The following RIMS2 variants were observed in gnomAD, a reference collection of about 807,000 sequenced individuals.
RIMS2 encodes the protein regulating synaptic membrane exocytosis protein 2.
In RIMS2, 59 loss-of-function variants were observed where a neutral mutation model predicts 174.4. The ratio of observed to expected loss-of-function variants is 0.34; its 90% CI spans 0.27 to 0.42. The LOEUF (loss-of-function observed/expected upper bound fraction) is 0.42, where lower values mean the gene tolerates loss of function less well. RIMS2 is among the 10% of genes least tolerant of loss of function. The pLI is 1.00. For missense variants in RIMS2, 1,620 were observed against 1,666.3 expected (o/e 0.97, Z 0.48); for synonymous variants, 606 against 572.5 (o/e 1.06, Z -0.84).
chr8:104,194,104 C>A (rs1334090400), intron 19 of RIMS2, among the ~76,000 whole-genome samples: 2 of 152,054 alleles, frequency 1.3e-5, no homozygotes, highest in Non-Finnish European at 2.9e-5. Flanking sequence ...GCTTAGAGTA[C>A]TTTCCCATGG....
rs2095852264 is a variant in RIMS2, at chr8:104,014,625, A to C, written c.3334+10A>C. 2.6e-6 allele frequency: 4 copies of C among 1,536,112 alleles called. No homozygotes were observed. The African/African-American group carries it at 5.5e-5, about 21-fold the overall frequency. ...GGAACGTTGGATAGAAGTAAGTTTT[A>C]TTTCTAATTGTCTCGTTTAGGAAAT... On this transcript the variant is annotated intron_variant, in intron 19 of 23. Transcript: ENST00000504942.
intron 19 of RIMS2, among the ~76,000 whole-genome samples, chr8:104,219,623 T>C (rs1424961717): frequency 6.6e-6 from 1 of 152,196 alleles, no homozygotes; most frequent in East Asian, 1.9e-4. Flanking sequence ...GATTTTTATG[T>C]TTAATAGTGC....
intron 19 of RIMS2, among the ~76,000 whole-genome samples, chr8:104,067,003 A>T (rs2097116215): frequency 6.6e-6 from 1 of 152,174 alleles, no homozygotes; most frequent in Non-Finnish European, 1.5e-5. Context: ...GAATAATACT[A>T]AAAAATTAAA....
chr8:103,583,073 T>C (rs1456691304), intron 1 of RIMS2, among the ~76,000 whole-genome samples: 1 of 152,150 alleles, frequency 6.6e-6, no homozygotes, highest in Non-Finnish European at 1.5e-5. Flanking sequence ...CCCTCAGCTT[T>C]AGGTGGCTCA....
At chr8:103,908,781 G>A (rs1007928598) in intron 4 of RIMS2, among the ~76,000 whole-genome samples, 5 of 151,988 alleles carry the variant, frequency 3.3e-5, no homozygotes, top group African/African-American at 1.2e-4. Context: ...AACTTTTGGT[G>A]TCATACAACC....
chr8:104,006,563 C>CAAT (rs1356983036), intron 17 of RIMS2, among the ~76,000 whole-genome samples: 12 of 150,936 alleles, frequency 8.0e-5, no homozygotes, highest in Non-Finnish European at 1.5e-4. Context: ...TAAAAATAAA[C>CAAT]AATAATAATA....
intron 19 of RIMS2, among the ~76,000 whole-genome samples, chr8:104,054,013 A>C (rs2096830428): frequency 6.6e-6 from 1 of 152,118 alleles, no homozygotes; most frequent in Non-Finnish European, 1.5e-5. Context: ...TAACATCCTC[A>C]ATGTAACAAG....
At chr8:103,757,024 A>T (rs987048834) in intron 2 of RIMS2, among the ~76,000 whole-genome samples, 6 of 151,220 alleles carry the variant, frequency 4.0e-5, no homozygotes, top group Middle Eastern at 3.2e-3. Flanking sequence ...AGAGAGAGAG[A>T]GAGAGAGAGA....
At chr8:103,832,888 T>C (rs144225618) in intron 3 of RIMS2, among the ~76,000 whole-genome samples, 4 of 152,376 alleles carry the variant, frequency 2.6e-5, no homozygotes, top group Admixed American at 6.5e-5. Context: ...AGCAGTCTTA[T>C]GTATTTTAAA....
At chr8:104,207,757 G>A (rs1301108661) in intron 19 of RIMS2, among the ~76,000 whole-genome samples, 2 of 151,726 alleles carry the variant, frequency 1.3e-5, no homozygotes, top group Admixed American at 6.6e-5. Flanking sequence ...AGATTGCAGT[G>A]AGCCAAGATC....
chr8:103,789,551 C>G (rs1432847660), intron 3 of RIMS2, among the ~76,000 whole-genome samples: 1 of 152,128 alleles, frequency 6.6e-6, no homozygotes, highest in Non-Finnish European at 1.5e-5. Context: ...ATCATATTCA[C>G]AGATCCTGCC....
At chr8:104,082,695 A>C (rs1173696491) in intron 19 of RIMS2, among the ~76,000 whole-genome samples, 3 of 151,858 alleles carry the variant, frequency 2.0e-5, no homozygotes, top group African/African-American at 7.2e-5. Flanking sequence ...TTATGTTTAT[A>C]TTTTTATATT....
intron 19 of RIMS2, among the ~76,000 whole-genome samples, chr8:104,159,946 C>A (rs910571584): frequency 4.6e-5 from 7 of 152,082 alleles, no homozygotes; most frequent in Non-Finnish European, 8.8e-5. Context: ...CAAGAGCAGT[C>A]TAGCCAACAT....
intron 19 of RIMS2, among the ~76,000 whole-genome samples, chr8:104,238,466 TAA>T (rs958396642): frequency 2.1e-5 from 3 of 140,710 alleles, no homozygotes; most frequent in African/African-American, 2.6e-5. Flanking sequence ...AAAGTAAAAT[TAA>T]AAAAAAAAAA....
intron 1 of RIMS2, among the ~76,000 whole-genome samples, chr8:103,565,499 T>G (rs1222110741): frequency 6.6e-6 from 1 of 152,056 alleles, no homozygotes; most frequent in Non-Finnish European, 1.5e-5. Context: ...GACACGTCGT[T>G]TTTGCCATTT....
intron 19 of RIMS2, among the ~76,000 whole-genome samples, chr8:104,061,871 A>G (rs1343364570): frequency 6.6e-6 from 1 of 152,026 alleles, no homozygotes; most frequent in Non-Finnish European, 1.5e-5. Flanking sequence ...AAACAATGGT[A>G]TGATTAATAT....
chr8:103,735,904 T>A (rs1045306891), intron 2 of RIMS2, among the ~76,000 whole-genome samples: 1 of 152,188 alleles, frequency 6.6e-6, no homozygotes, highest in Non-Finnish European at 1.5e-5. Flanking sequence ...AGATATTGAG[T>A]TTTAAATACC....
At chr8:103,554,103 A>T (rs1563758017) in intron 1 of RIMS2, among the ~76,000 whole-genome samples, 1 of 152,172 alleles carries the variant, frequency 6.6e-6, no homozygotes. Flanking sequence ...TATCCTGAAG[A>T]TAACCTAGGA....
intron 2 of RIMS2, among the ~76,000 whole-genome samples, chr8:103,759,675 G>A (rs1053678378): frequency 1.8e-4 from 27 of 151,440 alleles, no homozygotes; most frequent in African/African-American, 6.1e-4. Context: ...ATAACTACAT[G>A]TCCCAGACAT....
Sources: allele counts gnomAD v4.1 joint callset (sites outside exome capture counted in the v4.1 genomes callset), GRCh38; gene constraint gnomAD v4.1.1; transcripts MANE v1.5; gene names NCBI Gene and HGNC (gene_info 2026-07-23, HGNC 2026-07-21).